The following SLC60A2 variants were observed in gnomAD, a reference collection of about 807,000 sequenced individuals.
SLC60A2 encodes solute carrier family 60 member 2.
the SLC60A2 span, chr6:111,259,587 C>A: frequency 3.3e-6 from 4 of 1,196,162 alleles, no homozygotes; most frequent in African/African-American, 3.1e-5. Flanking sequence ...GGCTGCGGGG[C>A]AGCGGCTCCT....
chr6:111,266,441 G>C, the SLC60A2 span: 1 of 1,614,204 alleles, frequency 6.2e-7, no homozygotes, highest in Non-Finnish European at 8.5e-7. Flanking sequence ...CCTGTTTACA[G>C]CCTGGAACCA....
the SLC60A2 span, chr6:111,270,921 G>A: frequency 1.3e-5 from 2 of 152,004 alleles, no homozygotes; most frequent in Non-Finnish European, 2.9e-5. Context: ...TACAGGTACA[G>A]CTAGTATGGG....
chr6:111,278,137 A>C, the SLC60A2 span: 1 of 152,244 alleles, frequency 6.6e-6, no homozygotes, highest in Non-Finnish European at 1.5e-5. Context: ...CAAGAGAATG[A>C]CTGGCTTGCC....
chr6:111,271,576 T>G, the SLC60A2 span, among the ~76,000 whole-genome samples: 2 of 151,682 alleles, frequency 1.3e-5, no homozygotes, highest in African/African-American at 4.8e-5. Context: ...TATAGTTTAT[T>G]TTTTTAAAAA....
At chr6:111,266,273 C>A in the SLC60A2 span, 1 of 1,614,000 alleles carries the variant, frequency 6.2e-7, no homozygotes, top group Non-Finnish European at 8.5e-7. Flanking sequence ...TTTTTCTGTT[C>A]TTCTTTTTTT....
At chr6:111,271,190 A>G in the SLC60A2 span, 1 of 151,474 alleles carries the variant, frequency 6.6e-6, no homozygotes. Flanking sequence ...AAAAAAAAAA[A>G]AAAGGAAATA....
the SLC60A2 span, among the ~76,000 whole-genome samples, chr6:111,263,188 A>G: frequency 6.6e-6 from 1 of 152,118 alleles, no homozygotes; most frequent in Non-Finnish European, 1.5e-5. Context: ...TCAGCCTCCC[A>G]GAGTATTGGG....
At chr6:111,271,096 C>A in the SLC60A2 span, 1 of 134,654 alleles carries the variant, frequency 7.4e-6, no homozygotes, top group African/African-American at 2.8e-5. Context: ...GCAGTTGAGG[C>A]CGGGTGCGGT....
At chr6:111,276,956 G>C in the SLC60A2 span, among the ~76,000 whole-genome samples, 2 of 152,076 alleles carry the variant, frequency 1.3e-5, no homozygotes, top group African/African-American at 4.8e-5. Context: ...CTCTGGTCCA[G>C]ATTCCGGAGG....
At chr6:111,262,206 G>T in the SLC60A2 span, 2 of 1,475,014 alleles carry the variant, frequency 1.4e-6, no homozygotes, top group South Asian at 2.4e-5. Context: ...CACATAGTTA[G>T]ACATTATTTT....
chr6:111,273,170 A>T, the SLC60A2 span, among the ~76,000 whole-genome samples: 1 of 151,908 alleles, frequency 6.6e-6, no homozygotes, highest in African/African-American at 2.4e-5. Flanking sequence ...ATGTTTTTTG[A>T]GTTAGGGTCT....
the SLC60A2 span, chr6:111,267,513 G>A: frequency 6.2e-6 from 1 of 162,364 alleles, no homozygotes; most frequent in Non-Finnish European, 1.3e-5. Context: ...GGAAAGTTGA[G>A]GAGAATAGTT....
chr6:111,268,080 A>T, the SLC60A2 span: 4 of 152,188 alleles, frequency 2.6e-5, no homozygotes, highest in Non-Finnish European at 5.9e-5. Flanking sequence ...GTAAGTTTTA[A>T]AGTTTGTGCA....
chr6:111,262,900 G>T, the SLC60A2 span, among the ~76,000 whole-genome samples: 929 of 152,208 alleles, frequency 6.1e-3, 14 homozygotes, highest in African/African-American at 0.022. Context: ...GACAACCCCA[G>T]AGTGCTCTGT....
chr6:111,276,287 C>T, the SLC60A2 span, among the ~76,000 whole-genome samples: 1 of 152,176 alleles, frequency 6.6e-6, no homozygotes, highest in Non-Finnish European at 1.5e-5. Context: ...GATATATACC[C>T]ATAAGTGGAA....
At chr6:111,259,804 C>T in the SLC60A2 span, 6 of 1,379,922 alleles carry the variant, frequency 4.3e-6, no homozygotes, top group Non-Finnish European at 5.9e-6. Context: ...TGACCTTGGG[C>T]GCGTTACCTA....
At chr6:111,261,484 G>C in the SLC60A2 span, among the ~76,000 whole-genome samples, 2 of 151,826 alleles carry the variant, frequency 1.3e-5, no homozygotes, top group Non-Finnish European at 2.9e-5. Flanking sequence ...TGTAGAGATG[G>C]GGTTGCCTAG....
chr6:111,262,687 C>G, the SLC60A2 span, among the ~76,000 whole-genome samples: 31 of 152,264 alleles, frequency 2.0e-4, no homozygotes, highest in African/African-American at 7.2e-4. Flanking sequence ...TATAATTTAG[C>G]TACCACTCCT....
the SLC60A2 span, among the ~76,000 whole-genome samples, chr6:111,278,946 C>T: frequency 6.6e-6 from 1 of 152,222 alleles, no homozygotes; most frequent in Non-Finnish European, 1.5e-5. Context: ...AGTGATTAAC[C>T]TTTGCTCCAG....
Sources: allele counts gnomAD v4.1 joint callset (sites outside exome capture counted in the v4.1 genomes callset), GRCh38; gene constraint gnomAD v4.1.1; transcripts MANE v1.5; gene names NCBI Gene and HGNC (gene_info 2026-07-23, HGNC 2026-07-21).